The following CSMD1 variants were observed in gnomAD, a reference collection of about 807,000 sequenced individuals.
CSMD1 encodes CUB and sushi domain-containing protein 1.
In CSMD1, 213 loss-of-function variants were observed where a neutral mutation model predicts 417.5. The ratio of observed to expected loss-of-function variants is 0.51; its 90% CI spans 0.46 to 0.57. The LOEUF is 0.57. Ranked by LOEUF, CSMD1 falls within the 20% of genes least tolerant of loss-of-function variation. The probability of loss-of-function intolerance (pLI) is 0.00; values close to 1 mark genes in which losing one functional copy is unlikely to be tolerated. For missense variants in CSMD1, 6,923 were observed against 4,529.7 expected, an observed-to-expected ratio of 1.53 and a Z score of -15.17; for synonymous variants, 2,862 against 1,736.8, an observed-to-expected ratio of 1.65 and a Z score of -16.11.
intron 3 of CSMD1, among the ~76,000 whole-genome samples, chr8:4,402,612 C>T (rs139556510): frequency 1.1e-4 from 17 of 152,116 alleles, no homozygotes. Context: ...ATTACTGCTC[C>T]CCATTCTTTA....
chr8:3,239,329 A>C (rs895979600), intron 26 of CSMD1, among the ~76,000 whole-genome samples: 5 of 152,162 alleles, frequency 3.3e-5, no homozygotes, highest in African/African-American at 1.2e-4. Context: ...CAAACCGAGA[A>C]ATTATGTCTG....
intron 5 of CSMD1, among the ~76,000 whole-genome samples, chr8:3,928,462 C>A (rs757760886): frequency 6.6e-6 from 1 of 152,154 alleles, no homozygotes; most frequent in Non-Finnish European, 1.5e-5. Flanking sequence ...TTAATTCAAT[C>A]TTTTTGTAGA....
chr8:3,130,618 C>G (rs1817743656), intron 41 of CSMD1, among the ~76,000 whole-genome samples: 1 of 152,084 alleles, frequency 6.6e-6, no homozygotes, highest in Non-Finnish European at 1.5e-5. Flanking sequence ...AGTGCACCAG[C>G]CTTGTTCCTT....
chr8:4,643,253 A>G (rs905909712), intron 1 of CSMD1, among the ~76,000 whole-genome samples: 1 of 152,226 alleles, frequency 6.6e-6, no homozygotes. Flanking sequence ...TTACATATTT[A>G]TTACACTCAG....
intron 40 of CSMD1, among the ~76,000 whole-genome samples, chr8:3,146,679 T>C (rs554594846): frequency 6.6e-6 from 1 of 152,122 alleles, no homozygotes; most frequent in Non-Finnish European, 1.5e-5. Flanking sequence ...TGGGTCACTG[T>C]CCCGCAGTAG....
At chr8:4,754,588 A>C (rs1341469626) in intron 1 of CSMD1, among the ~76,000 whole-genome samples, 5 of 151,534 alleles carry the variant, frequency 3.3e-5, no homozygotes, top group African/African-American at 9.7e-5. Context: ...GCAGTGGCTC[A>C]TGTCTGTAAT....
intron 2 of CSMD1, among the ~76,000 whole-genome samples, chr8:4,446,755 C>CTGTGTGTGTGTGTGTGTGTGTG (rs58002310): frequency 3.8e-5 from 5 of 132,950 alleles, no homozygotes; most frequent in African/African-American, 5.7e-5. Flanking sequence ...GTGTGTGTGT[C>CTGTGTGTGTGTGTGTGTGTGTG]TGTGTGTGTG....
At chr8:4,347,757 C>G (rs1353829283) in intron 3 of CSMD1, among the ~76,000 whole-genome samples, 2 of 151,900 alleles carry the variant, frequency 1.3e-5, no homozygotes, top group Non-Finnish European at 2.9e-5. Context: ...CATGTATTGC[C>G]AAGTTGTATT....
chr8:4,090,814 T>G (rs1473437596), intron 3 of CSMD1, among the ~76,000 whole-genome samples: 1 of 152,222 alleles, frequency 6.6e-6, no homozygotes, highest in Non-Finnish European at 1.5e-5. Context: ...CATATATTCT[T>G]TAAGTCGAAT....
intron 3 of CSMD1, among the ~76,000 whole-genome samples, chr8:4,072,368 G>C (rs752441874): frequency 6.6e-6 from 1 of 152,184 alleles, no homozygotes; most frequent in Non-Finnish European, 1.5e-5. Context: ...TTCAATAATA[G>C]CTACCTGCCT....
At chr8:4,253,616 A>G (rs1430306790) in intron 3 of CSMD1, among the ~76,000 whole-genome samples, 1 of 152,188 alleles carries the variant, frequency 6.6e-6, no homozygotes, top group Admixed American at 6.5e-5. Flanking sequence ...CTGTCAAGTA[A>G]AAGACTGGAG....
intron 2 of CSMD1, among the ~76,000 whole-genome samples, chr8:4,600,299 G>A (rs1002515200): frequency 2.6e-5 from 4 of 152,140 alleles, no homozygotes; most frequent in African/African-American, 7.2e-5. Context: ...GGTACTCTAT[G>A]TAGCAAATAT....
chr8:3,619,696 CAGAA>C (rs1029870155), intron 7 of CSMD1, among the ~76,000 whole-genome samples: 6 of 150,354 alleles, frequency 4.0e-5, no homozygotes, highest in African/African-American at 1.5e-4. Context: ...ATCTTAAAAG[CAGAA>C]AGAGAAAAGC....
At chr8:3,937,673 G>A (rs1011068570) in intron 5 of CSMD1, among the ~76,000 whole-genome samples, 4 of 152,000 alleles carry the variant, frequency 2.6e-5, no homozygotes, top group Admixed American at 6.6e-5. Context: ...TCTGAAGTAC[G>A]GCTGCATATC....
intron 52 of CSMD1, among the ~76,000 whole-genome samples, chr8:3,007,007 T>G (rs1807969643): frequency 7.0e-6 from 1 of 143,744 alleles, no homozygotes; most frequent in African/African-American, 2.9e-5. Flanking sequence ...TGGGAGAAAA[T>G]TTTTGCAACC....
At chr8:3,332,086 A>G (rs763488062) in intron 23 of CSMD1, among the ~76,000 whole-genome samples, 1 of 152,250 alleles carries the variant, frequency 6.6e-6, no homozygotes, top group Non-Finnish European at 1.5e-5. Flanking sequence ...TAATTGACAG[A>G]CACATGATAG....
intron 3 of CSMD1, among the ~76,000 whole-genome samples, chr8:4,320,559 C>T (rs1362897876): frequency 6.6e-6 from 1 of 152,010 alleles, no homozygotes; most frequent in Non-Finnish European, 1.5e-5. Context: ...CTCCCTGTGT[C>T]CATGTGTTCT....
At chr8:3,908,803 T>G (rs1808274026) in intron 5 of CSMD1, among the ~76,000 whole-genome samples, 1 of 152,198 alleles carries the variant, frequency 6.6e-6, no homozygotes, top group Non-Finnish European at 1.5e-5. Flanking sequence ...TCTTAGCTAT[T>G]ATTTGAAACA....
chr8:3,698,240 G>C (rs1225034669), intron 7 of CSMD1, among the ~76,000 whole-genome samples: 1 of 152,164 alleles, frequency 6.6e-6, no homozygotes, highest in Non-Finnish European at 1.5e-5. Context: ...TGTTTAGAAA[G>C]TGGAAGCATA....
Sources: allele counts gnomAD v4.1 joint callset (sites outside exome capture counted in the v4.1 genomes callset), GRCh38; gene constraint gnomAD v4.1.1; transcripts MANE v1.5; gene names NCBI Gene and HGNC (gene_info 2026-07-23, HGNC 2026-07-21).